SV2B: variants seen among roughly 807,000 people sequenced by gnomAD.
The protein encoded by SV2B is solute carrier family 22 member B2.
A neutral mutation model predicts 73.9 loss-of-function variants in SV2B; 41 were observed. That is an observed-to-expected ratio of 0.56 (90% confidence interval 0.43 to 0.72). SV2B has a LOEUF of 0.72. Among genes scored for constraint, SV2B ranks in the 30% least tolerant of loss-of-function variants. SV2B has a pLI of 0.00. For synonymous variants in SV2B, 314 were observed against 314.2 expected, an observed-to-expected ratio of 1.00 and a Z score of 0.01; for missense variants, 764 against 857.8, an observed-to-expected ratio of 0.89 and a Z score of 1.37.
Position 91,226,101 on chromosome 15 carries a change from A to T in SV2B, c.-163A>T. The T allele has an allele frequency of 1.5e-6, 1 of 676,126 alleles. No homozygotes were observed. Among genetic ancestry groups the T allele is most frequent in the Non-Finnish European group, 2.4e-6 (1 of 408,530 alleles). The allele number at this position is 676,126 out of a possible 1,614,324, so 41.9% of individuals were successfully genotyped here. A position where few individuals can be genotyped will look rare whatever the true frequency, so the allele number is the denominator to read the frequency against. On this transcript the variant is annotated 5_prime_UTR_variant, in exon 2 of 13. Transcript: ENST00000394232. ...TGCACAAATCTGGTTGATTTGAGAG[A>T]TAAAGGGGGGGGGAACCAGTGTGAC...
Position 91,240,517 on chromosome 15 carries a change from A to C in SV2B, c.452-11302A>C, listed in dbSNP as rs1461085079. Among the ~76,000 whole-genome samples the C allele has an allele frequency of 1.3e-5, 2 of 152,156 alleles. No homozygotes were observed. The highest frequency in any genetic ancestry group is 4.8e-5 in the African/African-American group (2 of 41,442). ...CCTGTCATGGAGCCAACATTTTAAT[A>C]AAGAAAAAGGCTAAAAAACCCCAAA... On this transcript the variant is annotated intron_variant, in intron 2 of 12. Coordinates refer to ENST00000394232, the MANE Select transcript of SV2B (RefSeq NM_001323032.3). This position sits in a 1 kb window ranked among gnomAD's most constrained non-coding sequence, Gnocchi z 4.6.
chr15:91,100,531 G>C lies in SV2B; in HGVS notation c.-392+168G>C, dbSNP rs1173407987. ...AAAGATCGGAGAGTCTTGAAAAACCGGCGCAGAAAAGCAAGGACTTGCCCG... is the reference window on the plus strand; with the variant it reads ...AAAGATCGGAGAGTCTTGAAAAACCCGCGCAGAAAAGCAAGGACTTGCCCG... On this transcript the variant is annotated intron_variant, in intron 1 of 12. Coordinates refer to ENST00000394232, the MANE Select transcript of SV2B (RefSeq NM_001323032.3). This position sits in a 1 kb window ranked among gnomAD's most constrained non-coding sequence, Gnocchi z 6.4. Among the ~76,000 whole-genome samples, 5 of 152,234 alleles carry C rather than the reference G, an allele frequency of 3.3e-5. No individual in the cohort carries two copies. The highest frequency in any genetic ancestry group is 5.9e-5 in the Non-Finnish European group (4 of 68,040).
chr15:91,209,374 G>A (rs1457597009), intron 1 of SV2B, among the ~76,000 whole-genome samples: 3 of 152,008 alleles, frequency 2.0e-5, no homozygotes, highest in African/African-American at 4.8e-5. Flanking sequence ...CCCCCACCTC[G>A]GCCTCCCAAA....
rs1596796442 is a variant in SV2B, at chr15:91,287,351, C to T, written c.1709-2170C>T. Among the ~76,000 whole-genome samples, 3 of 152,254 alleles carry T rather than the reference C, an allele frequency of 2.0e-5. No homozygotes were observed. The East Asian group carries it at 5.8e-4, about 29-fold the overall frequency. On this transcript the variant is annotated intron_variant, in intron 11 of 12. Coordinates refer to ENST00000394232, the MANE Select transcript of SV2B (RefSeq NM_001323032.3). ...ACCTTCCTCCTGCAGGGTCCTGGTG[C>T]CTGGTGGGGCACTCGTGCCCTGTGT...
chr15:91,177,378 C>T (rs2044356459), intron 1 of SV2B, among the ~76,000 whole-genome samples: 2 of 151,798 alleles, frequency 1.3e-5, no homozygotes, highest in Admixed American at 6.6e-5. Context: ...GATGTGGGCT[C>T]TTTTTTGGTT....
intron 1 of SV2B, among the ~76,000 whole-genome samples, chr15:91,160,850 A>T (rs80049386): frequency 0.026 from 4,021 of 152,290 alleles, 209 homozygotes; most frequent in African/African-American, 0.092. Context: ...AACCTCATAA[A>T]TAAAATAAAT....
intron 1 of SV2B, among the ~76,000 whole-genome samples, chr15:91,186,498 T>C (rs778903903): frequency 3.9e-5 from 6 of 152,224 alleles, no homozygotes; most frequent in Non-Finnish European, 8.8e-5. Context: ...AGATTTGGTT[T>C]TCTAATTTTT....
At chr15:91,228,094 A>C (rs1418881846) in intron 2 of SV2B, among the ~76,000 whole-genome samples, 4 of 152,220 alleles carry the variant, frequency 2.6e-5, no homozygotes, top group South Asian at 2.1e-4. Flanking sequence ...AATAAAATTG[A>C]GATATAAAAT....
intron 1 of SV2B, among the ~76,000 whole-genome samples, chr15:91,194,103 C>T (rs1038838614): frequency 1.3e-5 from 2 of 151,742 alleles, no homozygotes; most frequent in African/African-American, 4.8e-5. Flanking sequence ...GCAGCATCAG[C>T]TGGGATCAGT....
rs2046993785 is a variant in SV2B, at chr15:91,241,119, A to C, written c.452-10700A>C. The stretch of plus-strand genomic sequence containing the variant: ...CTCTATTATTGTCCTTGGAGATTTT[A>C]ATAAGTGATTTCCATTATCCTGGTC... On this transcript the variant is annotated intron_variant, in intron 2 of 12. Transcript: ENST00000394232. The surrounding 1 kb of genome is among the most constrained non-coding windows in gnomAD (Gnocchi z 4.8). Among the ~76,000 whole-genome samples the C allele has an allele frequency of 6.6e-6, 1 of 152,186 alleles. No individual in the cohort carries two copies. The highest frequency in any genetic ancestry group is 1.5e-5 in the Non-Finnish European group (1 of 68,036).
chr15:91,152,462 G>T (rs1052903257), intron 1 of SV2B, among the ~76,000 whole-genome samples: 1 of 151,722 alleles, frequency 6.6e-6, no homozygotes, highest in African/African-American at 2.4e-5. Context: ...TTCCATATGA[G>T]GGAACATGTA....
At chr15:91,181,934 G>A (rs1225578017) in intron 1 of SV2B, among the ~76,000 whole-genome samples, 2 of 152,038 alleles carry the variant, frequency 1.3e-5, no homozygotes, top group African/African-American at 4.8e-5. Context: ...TAGATAGATA[G>A]GTAGACACAT....
intron 9 of SV2B, among the ~76,000 whole-genome samples, chr15:91,270,901 C>CGGTGAGTCCTGTGGACGATGGGAGGAT (rs2048281765): frequency 8.2e-6 from 1 of 122,646 alleles, no homozygotes; most frequent in African/African-American, 3.6e-5. Context: ...GATGGGAGGA[C>CGGTGAGTCCTGTGGACGATGGGAGGAT]GGTGAGTCCT....
intron 2 of SV2B, 88 bp downstream of exon 2, chr15:91,226,802 T>C: frequency 1.4e-6 from 2 of 1,443,184 alleles, no homozygotes; most frequent in Non-Finnish European, 1.8e-6. Context: ...GCACTTTAAA[T>C]ATATCACAAT....
In SV2B at chr15:91,242,845, G is replaced by C. The variant is rs2047074882; in HGVS notation, c.452-8974G>C. 6.6e-6 allele frequency among the ~76,000 whole-genome samples: 1 copy of C among 152,314 alleles called. No homozygotes were observed. The highest frequency in any genetic ancestry group is 2.1e-4 in the South Asian group (1 of 4,824). On this transcript the variant is annotated intron_variant, in intron 2 of 12. Coordinates refer to ENST00000394232, the MANE Select transcript of SV2B (RefSeq NM_001323032.3). This position sits in a 1 kb window ranked among gnomAD's most constrained non-coding sequence, Gnocchi z 4.9. ...TTCTCAAATAGTAGGTGAAACTACT[G>C]TTTGGCTAGTAGTGTTTTAAAACTC...
rs1410882704 is a variant in SV2B at position 91,214,128 on chromosome 15, T to C, written c.-391-11745T>C. ...ATATCAGCTCATGACTACTGGGAAG[T>C]GGACCGGTTCCGGATCTCTAGAGGA... On this transcript the variant is annotated intron_variant, in intron 1 of 12. Transcript: ENST00000394232. This position sits in a 1 kb window ranked among gnomAD's most constrained non-coding sequence, Gnocchi z 4.7. Among the ~76,000 whole-genome samples the C allele has an allele frequency of 6.6e-6, 1 of 152,190 alleles. No individual in the cohort carries two copies. The highest frequency in any genetic ancestry group is 1.5e-5 in the Non-Finnish European group (1 of 68,042).
intron 1 of SV2B, among the ~76,000 whole-genome samples, chr15:91,161,249 A>G (rs1428746657): frequency 6.6e-5 from 10 of 151,412 alleles, no homozygotes; most frequent in African/African-American, 2.2e-4. Context: ...GTATAAATTT[A>G]CTGAAATGTA....
At chr15:91,147,788 T>G (rs2043187270) in intron 1 of SV2B, among the ~76,000 whole-genome samples, 1 of 151,964 alleles carries the variant, frequency 6.6e-6, no homozygotes, top group Non-Finnish European at 1.5e-5. Flanking sequence ...GAGGAAACAA[T>G]TAGATATTGG....
In SV2B at chr15:91,105,558, G is replaced by A. The variant is rs1330396576; in HGVS notation, c.-392+5195G>A. 6.6e-6 allele frequency among the ~76,000 whole-genome samples: 1 copy of A among 152,228 alleles called. No individual in the cohort carries two copies. The highest frequency in any genetic ancestry group is 1.5e-5 in the Non-Finnish European group (1 of 68,038). ...AGAAGGTCCTGTAGGGCCTTGTGTA[G>A]ACTTTAGCCTTTATTTTGAGGAAAA... On this transcript the variant is annotated intron_variant, in intron 1 of 12. Coordinates refer to ENST00000394232, the MANE Select transcript of SV2B (RefSeq NM_001323032.3). The surrounding 1 kb of genome is among the most constrained non-coding windows in gnomAD (Gnocchi z 5.5).
Sources: allele counts gnomAD v4.1 joint callset (sites outside exome capture counted in the v4.1 genomes callset), GRCh38; gene constraint gnomAD v4.1.1; non-coding constraint Gnocchi (gnomAD v3.1); transcripts MANE v1.5; gene names NCBI Gene and HGNC (gene_info 2026-07-23, HGNC 2026-07-21).